Variants in GPAM observed in about 807,000 individuals in gnomAD.
GPAM encodes the protein glycerol-3-phosphate acyltransferase, mitochondrial, also known as glycerol-3-phosphate acyltransferase 1, mitochondrial.
A neutral mutation model predicts 105.0 loss-of-function variants in GPAM; 56 were observed. That is an observed-to-expected ratio of 0.53 (90% CI 0.43 to 0.67). The LOEUF (loss-of-function observed/expected upper bound fraction) is 0.67, where lower values mean the gene tolerates loss of function less well. Ranked by LOEUF, GPAM falls within the 30% of genes least tolerant of loss-of-function variation. The pLI, the probability that GPAM is intolerant of heterozygous loss-of-function variation, is 0.00. For missense variants in GPAM, 855 were observed against 989.8 expected (o/e 0.86, Z 1.83); for synonymous variants, 368 against 354.4 (o/e 1.04, Z -0.43).
At chr10:112,154,718 GGTTACGC>G in intron 20 of GPAM, 31 bp from the exon 21 acceptor site, 1 of 1,477,872 alleles carries the variant, frequency 6.8e-7, no homozygotes, top group East Asian at 2.3e-5. Flanking sequence ...CCTGTCAAAT[GGTTACGC>G]TCAACAAATC....
intron 1 of GPAM, among the ~76,000 whole-genome samples, chr10:112,188,864 C>G (rs1452797957): frequency 4.6e-5 from 7 of 152,150 alleles, no homozygotes; most frequent in Non-Finnish European, 8.8e-5. Flanking sequence ...TTGCCCAAAT[C>G]AACCAGACAC....
the GPAM span, among the ~76,000 whole-genome samples, chr10:112,221,909 GAAA>G: frequency 1.3e-5 from 2 of 152,168 alleles, no homozygotes; most frequent in Non-Finnish European, 2.9e-5. Context: ...TCATAAATAA[GAAA>G]ACGAGACTCA....
At chr10:112,186,602 A>C (rs187311705), upstream of GPAM, among the ~76,000 whole-genome samples, 1 of 152,162 alleles carries the variant, frequency 6.6e-6, no homozygotes, top group East Asian at 1.9e-4. Flanking sequence ...GCAGTGGTGC[A>C]GTGGCGTGAT....
At chr10:112,170,393 T>A (rs939451148) in intron 9 of GPAM, among the ~76,000 whole-genome samples, 4 of 152,246 alleles carry the variant, frequency 2.6e-5, no homozygotes, top group Non-Finnish European at 4.4e-5. Flanking sequence ...AACTACAGCC[T>A]GCTGTGTCTG....
At chr10:112,202,523 T>C (rs1448854949) in intron 1 of GPAM, among the ~76,000 whole-genome samples, 1 of 152,234 alleles carries the variant, frequency 6.6e-6, no homozygotes, top group East Asian at 1.9e-4. Context: ...GAATTATGAC[T>C]CCAAACCTTT....
chr10:112,225,008 G>T, the GPAM span, among the ~76,000 whole-genome samples: 1 of 152,138 alleles, frequency 6.6e-6, no homozygotes, highest in Non-Finnish European at 1.5e-5. Flanking sequence ...CAACATTCTA[G>T]TTTGAAGCAC....
chr10:112,227,120 G>A, the GPAM span, among the ~76,000 whole-genome samples: 1 of 152,064 alleles, frequency 6.6e-6, no homozygotes, highest in African/African-American at 2.4e-5. Flanking sequence ...TTCCATTTCA[G>A]TAAAGGGCAA....
intron 9 of GPAM, among the ~76,000 whole-genome samples, chr10:112,169,167 A>G (rs946333993): frequency 2.0e-5 from 3 of 152,222 alleles, no homozygotes; most frequent in African/African-American, 7.2e-5. Context: ...ATCACTGTGT[A>G]TAATGAGCCT....
At chr10:112,208,111 AG>A (rs1291449852) in intron 1 of GPAM, among the ~76,000 whole-genome samples, 3 of 152,200 alleles carry the variant, frequency 2.0e-5, no homozygotes, top group African/African-American at 7.2e-5. Flanking sequence ...CACATGCATC[AG>A]GGGACTTCAT....
At chr10:112,219,043 G>A (rs1267281529), upstream of GPAM, among the ~76,000 whole-genome samples, 1 of 152,120 alleles carries the variant, frequency 6.6e-6, no homozygotes, top group Non-Finnish European at 1.5e-5. Flanking sequence ...CTAACCTCTT[G>A]GGAATTCAGC....
intron 1 of GPAM, among the ~76,000 whole-genome samples, chr10:112,195,883 T>C (rs1847717721): frequency 6.6e-6 from 1 of 152,194 alleles, no homozygotes; most frequent in Admixed American, 6.5e-5. Context: ...ACCACAGAGT[T>C]TGGGGGCTTG....
At position 112,150,970 on chromosome 10, in the gene GPAM, T is replaced by A. The variant is rs541353066; in HGVS notation, c.*2580A>T. The A allele has an allele frequency of 3.3e-4, 326 of 985,158 alleles. No homozygotes were observed. The highest frequency in any genetic ancestry group is 1.0e-3 in the Middle Eastern group (2 of 1,914). 61.0% of individuals were successfully genotyped at this position (985,158 alleles called of 1,614,324 possible). A position where few individuals can be genotyped will look rare whatever the true frequency, so the allele number is the denominator to read the frequency against. On this transcript the variant is annotated 3_prime_UTR_variant, in exon 22 of 22. Coordinates refer to ENST00000348367, the MANE Select transcript of GPAM (RefSeq NM_001244949.2). The stretch of plus-strand genomic sequence containing the variant: ...GAAGGAAGACTCGAAGCCATCTCAG[T>A]TAACAGTTCTACACATTTCCCACTA...
chr10:112,162,701 G>C (rs1329347231), intron 14 of GPAM, among the ~76,000 whole-genome samples: 1 of 151,988 alleles, frequency 6.6e-6, no homozygotes, highest in Non-Finnish European at 1.5e-5. Context: ...TATGAATATT[G>C]TGTTATAAAT....
intron 1 of GPAM, among the ~76,000 whole-genome samples, chr10:112,195,743 T>A (rs767002341): frequency 6.6e-6 from 1 of 152,222 alleles, no homozygotes; most frequent in South Asian, 2.1e-4. Flanking sequence ...CAATATCTAT[T>A]TGTTGAATGT....
At chr10:112,165,311 T>C (rs1847194811) in intron 12 of GPAM, among the ~76,000 whole-genome samples, 1 of 152,170 alleles carries the variant, frequency 6.6e-6, no homozygotes, top group South Asian at 2.1e-4. Context: ...AGACTTTCAA[T>C]GAGGATGGCA....
At chr10:112,189,291 G>A (rs890824836) in intron 1 of GPAM, among the ~76,000 whole-genome samples, 2 of 152,068 alleles carry the variant, frequency 1.3e-5, no homozygotes, top group Admixed American at 6.5e-5. Context: ...TATATTTATA[G>A]AATATCTACT....
In GPAM at chr10:112,160,805, CACGAGCCAGG is replaced by C. The variant is rs1399860336; in HGVS notation, c.1548_1557del (p.Leu517IlefsTer13). On this transcript the variant is annotated frameshift_variant, in exon 16 of 22. Coordinates refer to ENST00000348367, the MANE Select transcript of GPAM (RefSeq NM_001244949.2). LOFTEE classifies it high-confidence loss of function. ...TTTCCTGAGAACCCCAGGTCAAAAT[CACGAGCCAGG>C]ACTTCCTCTTTCATCACAAAGAAGT... is the stretch of plus-strand genomic sequence containing the variant. 2 of 1,613,780 alleles carry C rather than the reference CACGAGCCAGG, an allele frequency of 1.2e-6. No homozygotes were observed. The highest frequency in any genetic ancestry group is 2.7e-5 in the African/African-American group (2 of 74,922).
At chr10:112,204,657 G>C (rs530577925) in intron 1 of GPAM, among the ~76,000 whole-genome samples, 10 of 149,940 alleles carry the variant, frequency 6.7e-5, no homozygotes, top group Non-Finnish European at 1.2e-4. Context: ...GCTGTGGGCT[G>C]TTTATAGGAA....
the GPAM span, among the ~76,000 whole-genome samples, chr10:112,227,077 C>T: frequency 0.016 from 2,448 of 152,270 alleles, 68 homozygotes; most frequent in African/African-American, 0.056. Flanking sequence ...CACCGTGACC[C>T]CTCAGGCATG....
Sources: allele counts gnomAD v4.1 joint callset (sites outside exome capture counted in the v4.1 genomes callset), GRCh38; gene constraint gnomAD v4.1.1; transcripts MANE v1.5; gene names NCBI Gene and HGNC (gene_info 2026-07-23, HGNC 2026-07-21).